ALDH3B2: variants seen among roughly 807,000 people sequenced by gnomAD.
ALDH3B2 encodes aldehyde dehydrogenase 3 family member B2, also known as aldehyde dehydrogenase family 3 member B2.
Under a neutral mutation model 36.7 loss-of-function variants are expected in ALDH3B2, and 45 were observed. The ratio of observed to expected loss-of-function variants is 1.23; its 90% CI spans 0.97 to 1.57. The LOEUF is 1.57. Ranked by LOEUF, ALDH3B2 falls within the 40% of genes most tolerant of loss-of-function variation. ALDH3B2 has a pLI of 0.00. For missense variants in ALDH3B2, 464 were observed against 513.3 expected (o/e 0.90, Z 0.93); for synonymous variants, 217 against 226.5 (o/e 0.96, Z 0.38).
Position 67,674,626 on chromosome 11 carries a change from TG to T in ALDH3B2, c.-435del, listed in dbSNP as rs925475427. On this transcript the variant is annotated 5_prime_UTR_variant, in exon 1 of 10. Coordinates refer to ENST00000349015, the Ensembl canonical transcript of ALDH3B2. ...CCACGCCTGGCAATGGGGTAATCAATGGGGTGATGCTCAGTGTTACCCAACA... is the reference window on the plus strand; with the variant it reads ...CCACGCCTGGCAATGGGGTAATCAATGGGTGATGCTCAGTGTTACCCAACA... 10 of 152,552 alleles carry T rather than the reference TG, an allele frequency of 6.6e-5. No individual in the cohort carries two copies. The highest frequency in any genetic ancestry group is 2.4e-4 in the African/African-American group (10 of 41,436). 9.4% of individuals were successfully genotyped at this position (152,552 alleles called of 1,614,324 possible).
At chr11:67,667,537 A>G (rs1591144061) in exon 2 of ALDH3B2, 1 of 385,174 alleles carries the variant, frequency 2.6e-6, no homozygotes, top group Non-Finnish European at 4.7e-6. Flanking sequence ...GAAGTGGCCC[A>G]GGCCCTGGAG....
chr11:67,662,962 T>C, exon 10 of ALDH3B2: 5 of 496,420 alleles, frequency 1.0e-5, no homozygotes, highest in Non-Finnish European at 1.1e-5. Context: ...AGGGCTGGAA[T>C]TGGGGAGGGT....
At chr11:67,679,810 G>A (rs866442880) in intron 1 of ALDH3B2, among the ~76,000 whole-genome samples, 5 of 152,114 alleles carry the variant, frequency 3.3e-5, no homozygotes, top group Middle Eastern at 3.4e-3. Flanking sequence ...CATTTTGTGC[G>A]AAAAAATCAG....
chr11:67,680,081 C>G (rs572001103), intron 1 of ALDH3B2, among the ~76,000 whole-genome samples: 1 of 151,988 alleles, frequency 6.6e-6, no homozygotes, highest in Non-Finnish European at 1.5e-5. Flanking sequence ...TCTGGGAGGC[C>G]GAGGTGGGTG....
chr11:67,666,719 G>A, intron 3 of ALDH3B2, 25 bp from the exon 4 acceptor site: 1 of 1,613,452 alleles, frequency 6.2e-7, no homozygotes, highest in Non-Finnish European at 8.5e-7. Flanking sequence ...AGACAGTGAG[G>A]CCCTGCCAAG....
intron 2 of ALDH3B2, 127 bp from the exon 3 acceptor site, chr11:67,667,143 C>G (rs771537187): frequency 1.1e-5 from 7 of 614,692 alleles, no homozygotes; most frequent in Admixed American, 8.4e-5. Context: ...ATGGGAGGCA[C>G]TGCCGTCCCC....
rs777275872 is a variant in ALDH3B2 at position 67,665,620 on chromosome 11, G to A, written c.371C>T (p.Thr124Met). 1.8e-5 allele frequency: 29 copies of A among 1,613,632 alleles called. No individual in the cohort carries two copies. The Admixed American group carries it at 1.8e-4, about 10-fold the overall frequency. The change falls in exon 7 of 10, where the codon ACG becomes ATG. Residue 124 changes from threonine to methionine, a missense_variant. Thr to Met is a moderately conservative substitution (Grantham distance 81). Coordinates refer to ENST00000349015, the Ensembl canonical transcript of ALDH3B2. ...GCCCCCCAGCTCCAGGGTGACAGGCGTCAGGTGCTTGGTGGCAGCAGTCAT... is the reference window on the plus strand; with the variant it reads ...GCCCCCCAGCTCCAGGGTGACAGGCATCAGGTGCTTGGTGGCAGCAGTCAT...
chr11:67,669,425 G>A (rs201548125), intron 1 of ALDH3B2, among the ~76,000 whole-genome samples: 2 of 135,100 alleles, frequency 1.5e-5, no homozygotes, highest in African/African-American at 5.6e-5. Context: ...TATGTGTGTG[G>A]GTGTGTGTGT....
intron 6 of ALDH3B2, 141 bp downstream of exon 6, chr11:67,665,981 G>A: frequency 8.5e-7 from 1 of 1,175,914 alleles, no homozygotes; most frequent in Non-Finnish European, 1.2e-6. Context: ...CGTGGCCTAT[G>A]CAGGCAGACG....
chr11:67,672,042 CATATATATATAT>C (rs57997475), intron 1 of ALDH3B2, among the ~76,000 whole-genome samples: 17,715 of 49,428 alleles, frequency 0.36, 3,273 homozygotes, highest in East Asian at 0.56. Flanking sequence ...CGATGTACTT[CATATATATATAT>C]ATATATATAT....
In ALDH3B2 at chr11:67,667,163, C is replaced by T. The variant is rs142460691; in HGVS notation, c.-81-147G>A. Reference sequence around the variant, plus strand: ...AGGCACTGCCGTCCCCTGGGAACTGCGCATGGCTGCAATTCTGATCTGTGA... The same window carrying T: ...AGGCACTGCCGTCCCCTGGGAACTGTGCATGGCTGCAATTCTGATCTGTGA... On this transcript the variant is annotated intron_variant, in intron 2 of 9. Transcript: ENST00000349015. 2,228 of 601,632 alleles carry T rather than the reference C, an allele frequency of 3.7e-3. 8 individuals carry two copies. The highest frequency in any genetic ancestry group is 6.9e-3 in the African/African-American group (372 of 54,168). The allele number at this position is 601,632 out of a possible 1,614,324, so 37.3% of individuals were successfully genotyped here. A position where few individuals can be genotyped will look rare whatever the true frequency, so the allele number is the denominator to read the frequency against.
intron 1 of ALDH3B2, among the ~76,000 whole-genome samples, chr11:67,669,478 G>GTGTT (rs1486956290): frequency 1.4e-5 from 2 of 148,028 alleles, no homozygotes; most frequent in Admixed American, 1.3e-4. Flanking sequence ...GTGTGTATGG[G>GTGTT]TGTTTGTGTA....
intron 1 of ALDH3B2, among the ~76,000 whole-genome samples, chr11:67,679,938 T>C (rs1171924819): frequency 6.6e-6 from 1 of 152,136 alleles, no homozygotes. Context: ...TTATAACACT[T>C]ATTACTAGAT....
chr11:67,664,712 G>A, intron 7 of ALDH3B2, 150 bp from the exon 8 acceptor site: 1 of 1,252,346 alleles, frequency 8.0e-7, no homozygotes, highest in South Asian at 1.5e-5. Context: ...GGAGTGTTTA[G>A]GGAAGAAAGT....
At chr11:67,677,539 G>A (rs532303907), upstream of ALDH3B2, among the ~76,000 whole-genome samples, 2 of 152,174 alleles carry the variant, frequency 1.3e-5, no homozygotes, top group African/African-American at 2.4e-5. Flanking sequence ...GCAGAGAACC[G>A]GAACAAGACA....
At chr11:67,672,114 G>T (rs1209705337) in intron 1 of ALDH3B2, among the ~76,000 whole-genome samples, 81 of 107,684 alleles carry the variant, frequency 7.5e-4, no homozygotes, top group Middle Eastern at 4.7e-3. Context: ...GTGTGTGTGT[G>T]TGTGTGTGTG....
At chr11:67,677,562 C>G (rs1448821248), upstream of ALDH3B2, among the ~76,000 whole-genome samples, 1 of 152,114 alleles carries the variant, frequency 6.6e-6, no homozygotes, top group Admixed American at 6.5e-5. Context: ...GATGCCCACT[C>G]TCACCACTCC....
chr11:67,679,553 G>A (rs1018867346), upstream of ALDH3B2, among the ~76,000 whole-genome samples: 4 of 151,980 alleles, frequency 2.6e-5, no homozygotes, highest in African/African-American at 9.7e-5. Context: ...GTGGAAGTGG[G>A]AAGATCACTA....
exon 7 of ALDH3B2, chr11:67,665,543 G>A (rs528990160): frequency 7.0e-5 from 113 of 1,614,104 alleles, no homozygotes; most frequent in Admixed American, 4.2e-4. Context: ...CAGGCCACGC[G>A]GTTGGCCACG....
Sources: allele counts gnomAD v4.1 joint callset (sites outside exome capture counted in the v4.1 genomes callset), GRCh38; gene constraint gnomAD v4.1.1; transcripts MANE v1.5; gene names NCBI Gene and HGNC (gene_info 2026-07-23, HGNC 2026-07-21).